Variants in FGF12 observed in about 807,000 individuals in gnomAD.
FGF12 encodes the protein fibroblast growth factor 12.
Under a neutral mutation model 23.6 loss-of-function variants are expected in FGF12, and 14 were observed. The ratio of observed to expected loss-of-function variants is 0.59; its 90% CI spans 0.39 to 0.93. The LOEUF is 0.93. FGF12 is among the 40% of genes least tolerant of loss of function. The pLI is 0.00. For missense variants in FGF12, 175 were observed against 217.8 expected, an observed-to-expected ratio of 0.80 and a Z score of 1.24; for synonymous variants, 62 against 77.3, an observed-to-expected ratio of 0.80 and a Z score of 1.04.
intron 2 of FGF12, among the ~76,000 whole-genome samples, chr3:192,566,843 C>T (rs1445819989): frequency 6.6e-6 from 1 of 152,080 alleles, no homozygotes; most frequent in Non-Finnish European, 1.5e-5. Flanking sequence ...TAAGAACCAA[C>T]AACACTAACA....
intron 2 of FGF12, among the ~76,000 whole-genome samples, chr3:192,511,576 C>T (rs559663909): frequency 6.6e-6 from 1 of 152,308 alleles, no homozygotes; most frequent in East Asian, 1.9e-4. Context: ...ACTTGCTTTA[C>T]TTCCCCTTTA....
chr3:192,691,308 G>C (rs1445504019), intron 2 of FGF12, among the ~76,000 whole-genome samples: 1 of 152,008 alleles, frequency 6.6e-6, no homozygotes, highest in African/African-American at 2.4e-5. Context: ...CTGTGTAAAT[G>C]CAAGAATATT....
rs191728891 is a variant in FGF12 at position 192,525,705 on chromosome 3, G to A, written c.14-165167C>T. 2.0e-5 allele frequency among the ~76,000 whole-genome samples: 3 copies of A among 152,278 alleles called. No individual in the cohort carries two copies. In the South Asian group the frequency reaches 6.2e-4, roughly 32 times the overall value. On this transcript the variant is annotated intron_variant, in intron 2 of 5. Transcript: ENST00000445105. Reference sequence around the variant, plus strand: ...AAGTTTGGTACATAAAACCTACGATGATTTGCTTGTCTTCTTTTATCTCCG... The same window carrying A: ...AAGTTTGGTACATAAAACCTACGATAATTTGCTTGTCTTCTTTTATCTCCG...
At chr3:192,348,474 AT>A (rs1374511174) in intron 3 of FGF12, among the ~76,000 whole-genome samples, 5 of 152,202 alleles carry the variant, frequency 3.3e-5, no homozygotes, top group African/African-American at 9.6e-5. Flanking sequence ...TCTCTAAAAA[AT>A]GTTTTAATAT....
chr3:192,272,771 C>A (rs1713527942), intron 4 of FGF12, among the ~76,000 whole-genome samples: 2 of 152,148 alleles, frequency 1.3e-5, no homozygotes, highest in South Asian at 4.1e-4. Flanking sequence ...AATAGCCCAA[C>A]TGATCATAGC....
intron 2 of FGF12, among the ~76,000 whole-genome samples, chr3:192,677,561 A>G (rs1441159253): frequency 6.6e-6 from 1 of 152,228 alleles, no homozygotes; most frequent in East Asian, 1.9e-4. Flanking sequence ...TCTTCTTCTA[A>G]CAGAAAGATA....
chr3:192,297,736 AT>A (rs1715122568), intron 4 of FGF12, among the ~76,000 whole-genome samples: 1 of 152,222 alleles, frequency 6.6e-6, no homozygotes, highest in Non-Finnish European at 1.5e-5. Flanking sequence ...AAGGAATCTC[AT>A]TTTGAAATAG....
At chr3:192,552,041 T>C (rs812988) in intron 2 of FGF12, among the ~76,000 whole-genome samples, 104,115 of 151,864 alleles carry the variant, frequency 0.69, 35,813 homozygotes, top group Middle Eastern at 0.79. Context: ...AAATAATATA[T>C]TCACAATGCT....
At chr3:192,677,126 C>T (rs553559539) in intron 2 of FGF12, among the ~76,000 whole-genome samples, 17 of 152,256 alleles carry the variant, frequency 1.1e-4, no homozygotes, top group South Asian at 2.1e-4. Context: ...CTTGACTTTA[C>T]GTAGCATGAA....
intron 2 of FGF12, among the ~76,000 whole-genome samples, chr3:192,530,331 ATTG>A (rs1725055536): frequency 6.6e-6 from 1 of 152,084 alleles, no homozygotes; most frequent in Non-Finnish European, 1.5e-5. Context: ...CTTCCTTAGA[ATTG>A]TTGTCAGAAT....
intron 4 of FGF12, among the ~76,000 whole-genome samples, chr3:192,319,851 A>G (rs970757224): frequency 1.3e-5 from 2 of 152,134 alleles, no homozygotes; most frequent in African/African-American, 4.8e-5. Context: ...CAACAGATAC[A>G]CACAAAAAAA....
chr3:192,715,141 A>C (rs993609852), intron 2 of FGF12, among the ~76,000 whole-genome samples: 4 of 152,228 alleles, frequency 2.6e-5, no homozygotes. Context: ...TGTATTCTAG[A>C]AGACCTAGGA....
chr3:192,179,740 T>A, intron 4 of FGF12, among the ~76,000 whole-genome samples: 1 of 151,934 alleles, frequency 6.6e-6, no homozygotes, highest in East Asian at 1.9e-4. Context: ...GAGACAGGGT[T>A]TCATTATATT....
intron 2 of FGF12, among the ~76,000 whole-genome samples, chr3:192,596,682 G>A (rs1377928293): frequency 6.6e-6 from 1 of 152,126 alleles, no homozygotes; most frequent in East Asian, 1.9e-4. Flanking sequence ...TGAGGATTTA[G>A]GATAAGCTAA....
intron 2 of FGF12, among the ~76,000 whole-genome samples, chr3:192,705,537 C>T (rs1485064058): frequency 6.6e-6 from 1 of 152,222 alleles, no homozygotes; most frequent in Non-Finnish European, 1.5e-5. Context: ...AGAACACATA[C>T]AACATTTATG....
chr3:192,165,080 A>G (rs1219794870), intron 5 of FGF12, among the ~76,000 whole-genome samples: 1 of 151,972 alleles, frequency 6.6e-6, no homozygotes, highest in East Asian at 1.9e-4. Context: ...CAGCCTCCCA[A>G]GTAGCGGGGA....
intron 2 of FGF12, among the ~76,000 whole-genome samples, chr3:192,539,280 A>G (rs528616919): frequency 6.6e-6 from 1 of 152,290 alleles, no homozygotes; most frequent in East Asian, 1.9e-4. Flanking sequence ...TGGGTCTGTC[A>G]TATATGGGTT....
chr3:192,279,230 G>GTATATATATA lies in FGF12; in HGVS notation c.228+56121_228+56130dup, dbSNP rs59504943. Among the ~76,000 whole-genome samples, 143 of 131,954 alleles carry GTATATATATA rather than the reference G, an allele frequency of 1.1e-3. 2 individuals carry two copies. Among genetic ancestry groups the GTATATATATA allele is most frequent in the African/African-American group, 3.8e-3 (125 of 32,480 alleles). 86.6% of individuals were successfully genotyped at this position (131,954 alleles called of 152,430 possible). Reference sequence around the variant, plus strand: ...TAAGTCATGCTTGGTTAATGTATGAGTATATATATATATATATATATATAA... The same window carrying GTATATATATA: ...TAAGTCATGCTTGGTTAATGTATGAGTATATATATATATATATATATATATATATATATAA... On this transcript the variant is annotated intron_variant, in intron 4 of 5. Coordinates refer to ENST00000445105, the MANE Select transcript of FGF12 (RefSeq NM_004113.6).
intron 2 of FGF12, among the ~76,000 whole-genome samples, chr3:192,633,000 A>C (rs1210211081): frequency 6.6e-6 from 1 of 150,790 alleles, no homozygotes; most frequent in East Asian, 1.9e-4. Context: ...CCACTTTGGC[A>C]TTTTTCTCTG....
Sources: allele counts gnomAD v4.1 joint callset (sites outside exome capture counted in the v4.1 genomes callset), GRCh38; gene constraint gnomAD v4.1.1; transcripts MANE v1.5; gene names NCBI Gene and HGNC (gene_info 2026-07-23, HGNC 2026-07-21).